The following RALGAPA2 variants were observed in gnomAD, a reference collection of about 807,000 sequenced individuals.
The protein encoded by RALGAPA2 is ral GTPase-activating protein subunit alpha-2.
RALGAPA2 carries 139 observed loss-of-function variants against 230.4 expected under a neutral mutation model. The ratio of observed to expected loss-of-function variants is 0.60; its 90% CI spans 0.53 to 0.69. The LOEUF is 0.69. Among genes scored for constraint, RALGAPA2 ranks in the 30% least tolerant of loss-of-function variants. RALGAPA2 has a pLI of 0.00. For missense variants in RALGAPA2, 2,163 were observed against 2,276.0 expected, an observed-to-expected ratio of 0.95 and a Z score of 1.01; for synonymous variants, 847 against 837.8, an observed-to-expected ratio of 1.01 and a Z score of -0.19.
intron 38 of RALGAPA2, among the ~76,000 whole-genome samples, chr20:20,406,018 G>A (rs2059937923): frequency 6.6e-6 from 1 of 152,170 alleles, no homozygotes; most frequent in African/African-American, 2.4e-5. Flanking sequence ...AGACACACAC[G>A]CAGGATAAAG....
intron 37 of RALGAPA2, among the ~76,000 whole-genome samples, chr20:20,414,550 T>C (rs910369876): frequency 4.6e-5 from 7 of 152,176 alleles, no homozygotes; most frequent in Non-Finnish European, 1.5e-5. Flanking sequence ...GTCCCAATCC[T>C]GGATGGCACT....
In RALGAPA2 at chr20:20,639,823, A is replaced by C. The variant is rs757631119; in HGVS notation, c.628T>G (p.Phe210Val). Reference sequence around the variant, plus strand: ...TACTTCAACAGTATTTGAAGAAAAAAGCAGGTTTGGTCCTCAGCAATCTTC... The same window carrying C: ...TACTTCAACAGTATTTGAAGAAAAACGCAGGTTTGGTCCTCAGCAATCTTC... Reference protein sequence around the residue: ...GEKIAEDQTCFFLQILLKYMV... With the variant: ...GEKIAEDQTCVFLQILLKYMV... Residue 210 changes from phenylalanine to valine, a missense_variant, in exon 7 of 40, where the codon TTT (phenylalanine) becomes GTT (valine). By Grantham distance (50) the Phe-to-Val change is conservative. Transcript: ENST00000202677. 1.1e-5 allele frequency: 17 copies of C among 1,613,410 alleles called. No homozygotes were observed. The East Asian group carries it at 3.6e-4, about 34-fold the overall frequency.
intron 17 of RALGAPA2, among the ~76,000 whole-genome samples, 179 bp from the exon 18 acceptor site, chr20:20,589,544 G>T (rs2065226432): frequency 6.6e-6 from 1 of 152,138 alleles, no homozygotes; most frequent in Non-Finnish European, 1.5e-5. Flanking sequence ...TTTAGACCTG[G>T]TCTCTGGCCC....
At chr20:20,645,859 C>T (rs2067194345) in intron 4 of RALGAPA2, among the ~76,000 whole-genome samples, 1 of 151,848 alleles carries the variant, frequency 6.6e-6, no homozygotes, top group African/African-American at 2.4e-5. Context: ...CGAGTTAATA[C>T]ATATAAATGC....
intron 20 of RALGAPA2, among the ~76,000 whole-genome samples, chr20:20,579,705 A>G (rs1299415537): frequency 6.6e-6 from 1 of 152,144 alleles, no homozygotes; most frequent in Non-Finnish European, 1.5e-5. Flanking sequence ...TCCTTTTCAC[A>G]TTTATGTACT....
chr20:20,464,899 C>A (rs2061380806), intron 37 of RALGAPA2, among the ~76,000 whole-genome samples: 1 of 151,896 alleles, frequency 6.6e-6, no homozygotes, highest in Non-Finnish European at 1.5e-5. Context: ...GTGTCAGGTG[C>A]TATTTTAAGT....
chr20:20,411,988 G>C (rs201317142), intron 38 of RALGAPA2, 39 bp downstream of exon 38: 68 of 1,612,036 alleles, frequency 4.2e-5, no homozygotes, highest in Non-Finnish European at 5.8e-5. Flanking sequence ...GCTCGAATGC[G>C]TCTTAAGCGC....
intron 38 of RALGAPA2, among the ~76,000 whole-genome samples, chr20:20,402,019 C>A (rs781066534): frequency 2.0e-5 from 3 of 152,228 alleles, no homozygotes; most frequent in Non-Finnish European, 4.4e-5. Flanking sequence ...TCCTCTCCCC[C>A]ACTGGGTTGT....
chr20:20,659,336 C>T (rs1203857645), intron 3 of RALGAPA2, among the ~76,000 whole-genome samples: 5 of 152,202 alleles, frequency 3.3e-5, no homozygotes, highest in Non-Finnish European at 2.9e-5. Context: ...ACTACAATGA[C>T]TCAACTCTTT....
intron 3 of RALGAPA2, among the ~76,000 whole-genome samples, chr20:20,659,254 G>T (rs1236497600): frequency 6.6e-6 from 1 of 152,200 alleles, no homozygotes; most frequent in Non-Finnish European, 1.5e-5. Flanking sequence ...CAGCTGCATA[G>T]ATGCTTCCAG....
intron 10 of RALGAPA2, among the ~76,000 whole-genome samples, chr20:20,626,627 G>GT (rs1208832804): frequency 6.6e-6 from 1 of 152,174 alleles, no homozygotes; most frequent in Non-Finnish European, 1.5e-5. Flanking sequence ...CACAATAAAG[G>GT]TAAAACCACA....
intron 3 of RALGAPA2, among the ~76,000 whole-genome samples, chr20:20,671,042 G>A (rs1030601884): frequency 2.0e-5 from 3 of 151,936 alleles, no homozygotes; most frequent in Non-Finnish European, 4.4e-5. Context: ...GGCAAAGGCA[G>A]CTGGAGTCAA....
At chr20:20,593,335 C>A (rs2065351114) in intron 16 of RALGAPA2, among the ~76,000 whole-genome samples, 1 of 152,266 alleles carries the variant, frequency 6.6e-6, no homozygotes, top group Non-Finnish European at 1.5e-5. Context: ...TTCTTTTGAA[C>A]AGCCAAGAAC....
intron 37 of RALGAPA2, among the ~76,000 whole-genome samples, chr20:20,461,653 T>C (rs2061304161): frequency 6.6e-6 from 1 of 152,212 alleles, no homozygotes; most frequent in African/African-American, 2.4e-5. Context: ...TTAGAACAAC[T>C]GTCAAAAGTT....
rs2066830989 is a variant in RALGAPA2 at position 20,635,566 on chromosome 20, T to A, written c.857A>T (p.Asn286Ile). Residue 286 changes from asparagine (N) to isoleucine (I), a missense_variant, in exon 9 of 40, where the codon AAT becomes ATT. Asn to Ile is a moderately radical substitution (Grantham distance 149). Transcript: ENST00000202677. The stretch of plus-strand genomic sequence containing the variant: ...AATCTTTGTACTGTAAATGTTCTCA[T>A]TGTCTCGAGTGGTAGTAATGTACAC... Reference protein sequence around the residue: ...KPVYITTTRDNENIYSTKIPY... With the variant: ...KPVYITTTRDIENIYSTKIPY... The A allele has an allele frequency of 6.3e-7, 1 of 1,584,976 alleles. No individual in the cohort carries two copies. The highest frequency in any genetic ancestry group is 1.4e-5 in the African/African-American group (1 of 72,798).
At chr20:20,525,550 C>T (rs2063174942) in intron 28 of RALGAPA2, among the ~76,000 whole-genome samples, 1 of 152,162 alleles carries the variant, frequency 6.6e-6, no homozygotes, top group Non-Finnish European at 1.5e-5. Context: ...TGTAATACCT[C>T]ATGGGGACAA....
At chr20:20,519,678 C>T (rs982552610) in intron 31 of RALGAPA2, among the ~76,000 whole-genome samples, 28 of 152,234 alleles carry the variant, frequency 1.8e-4, no homozygotes, top group African/African-American at 6.8e-4. Context: ...TTGCTTTCTT[C>T]CTTGACTTGC....
chr20:20,644,420 G>C (rs538964456), intron 4 of RALGAPA2, among the ~76,000 whole-genome samples: 15 of 152,136 alleles, frequency 9.9e-5, no homozygotes, highest in South Asian at 6.2e-4. Context: ...TCTAACAAGA[G>C]AGCCAGTGTT....
intron 1 of RALGAPA2, among the ~76,000 whole-genome samples, chr20:20,709,743 C>T (rs2147051324): frequency 6.6e-6 from 1 of 152,272 alleles, no homozygotes; most frequent in Middle Eastern, 3.4e-3. Context: ...TATCTACATC[C>T]AAATTGGAGT....
Sources: allele counts gnomAD v4.1 joint callset (sites outside exome capture counted in the v4.1 genomes callset), GRCh38; gene constraint gnomAD v4.1.1; transcripts MANE v1.5; gene names NCBI Gene and HGNC (gene_info 2026-07-23, HGNC 2026-07-21).